The following TBX15 variants were observed in gnomAD, a reference collection of about 807,000 sequenced individuals.
TBX15 encodes T-box transcription factor TBX15.
Under a neutral mutation model 53.9 loss-of-function variants are expected in TBX15, and 18 were observed. The observed-to-expected ratio is 0.33, with a 90% CI of 0.23 to 0.49. The LOEUF (loss-of-function observed/expected upper bound fraction) is 0.49. Among genes scored for constraint, TBX15 ranks in the 20% least tolerant of loss-of-function variants. The pLI is 0.98. For synonymous variants in TBX15, 295 were observed against 278.0 expected, an observed-to-expected ratio of 1.06 and a Z score of -0.61; for missense variants, 692 against 749.5, an observed-to-expected ratio of 0.92 and a Z score of 0.90.
chr1:118,893,689 C>G (rs984849706), intron 7 of TBX15, among the ~76,000 whole-genome samples: 19 of 152,084 alleles, frequency 1.2e-4, no homozygotes, highest in Non-Finnish European at 2.4e-4. Flanking sequence ...TGAGTACTTT[C>G]TTCACTATCC....
At chr1:118,936,252 A>C (rs1377284671) in intron 1 of TBX15, among the ~76,000 whole-genome samples, 1 of 152,206 alleles carries the variant, frequency 6.6e-6, no homozygotes, top group African/African-American at 2.4e-5. Context: ...AAAGCGAACC[A>C]ACTACAATAG....
At chr1:118,926,478 CCCA>C in intron 3 of TBX15, 29 bp downstream of exon 3, 1 of 1,575,808 alleles carries the variant, frequency 6.3e-7, no homozygotes, top group Non-Finnish European at 8.7e-7. Flanking sequence ...GCTGGTGATA[CCCA>C]CATTTCCACA....
At chr1:118,940,259 T>G (rs1656128418) in intron 1 of TBX15, among the ~76,000 whole-genome samples, 1 of 151,926 alleles carries the variant, frequency 6.6e-6, no homozygotes, top group South Asian at 2.1e-4. Context: ...TTCAGGAATA[T>G]TTTAGCTCTC....
chr1:118,884,980 T>C lies in TBX15; in HGVS notation c.1561A>G (p.Asn521Asp), dbSNP rs369415145. The C allele has an allele frequency of 6.2e-7, 1 of 1,613,966 alleles. No individual in the cohort carries two copies. The highest frequency in any genetic ancestry group is 1.3e-5 in the African/African-American group (1 of 74,918). ...LHNPYNLYGY[N>D]FPTSPRLAAS... ...GCTAGCCTAGGGGAAGTGGGGAAAT[T>C]GTATCCATACAGGTTGTAAGGGTTG... The change falls in exon 8 of 8, where the codon AAT (asparagine) becomes GAT (aspartate). Residue 521 changes from asparagine (N) to aspartate (D), a missense_variant. Coordinates refer to ENST00000369429, the MANE Select transcript of TBX15 (RefSeq NM_001330677.2).
chr1:118,954,738 T>C (rs1255139378), intron 1 of TBX15, among the ~76,000 whole-genome samples: 2 of 152,184 alleles, frequency 1.3e-5, no homozygotes, highest in African/African-American at 4.8e-5. Context: ...ACAGGAAATA[T>C]TTCTGGGATT....
At chr1:118,979,424 AC>A (rs1249165509) in intron 1 of TBX15, among the ~76,000 whole-genome samples, 1 of 151,368 alleles carries the variant, frequency 6.6e-6, no homozygotes, top group African/African-American at 2.4e-5. Context: ...CCCTAGATTT[AC>A]CCATTTGGAA....
chr1:118,893,397 G>GAAAGAAAT (rs1654248477), intron 7 of TBX15, among the ~76,000 whole-genome samples: 1 of 135,056 alleles, frequency 7.4e-6, no homozygotes, highest in Non-Finnish European at 1.5e-5. Context: ...AAGAAAGAAA[G>GAAAGAAAT]AAAGAAAGAA....
intron 1 of TBX15, among the ~76,000 whole-genome samples, chr1:118,947,539 G>A (rs1394391337): frequency 6.6e-6 from 1 of 152,194 alleles, no homozygotes; most frequent in South Asian, 2.1e-4. Flanking sequence ...ACACATCTGT[G>A]AGAAGTGGAG....
chr1:118,976,703 G>A (rs1257850671), intron 1 of TBX15, among the ~76,000 whole-genome samples: 1 of 152,078 alleles, frequency 6.6e-6, no homozygotes, highest in South Asian at 2.1e-4. Flanking sequence ...CACTCAGGTT[G>A]GCATTTTGCC....
rs372204736 is a variant in TBX15 at position 118,893,330 on chromosome 1, A to G, written c.1024+5698T>C. Among the ~76,000 whole-genome samples the G allele has an allele frequency of 3.4e-4, 26 of 75,920 alleles. 1 individual carries two copies. The highest frequency in any genetic ancestry group is 1.7e-3 in the African/African-American group (20 of 12,106). The allele number at this position is 75,920 out of a possible 152,430, so 49.8% of individuals were successfully genotyped here. ...GGAAGGAAGGAAAGAAAGAAAGAAG[A>G]AAGAAGGAAGGAAGGAAGGAAGGAA... On this transcript the variant is annotated intron_variant, in intron 7 of 7. Coordinates refer to ENST00000369429, the MANE Select transcript of TBX15 (RefSeq NM_001330677.2).
chr1:118,900,691 T>C (rs1654600109), intron 6 of TBX15, among the ~76,000 whole-genome samples: 2 of 152,166 alleles, frequency 1.3e-5, no homozygotes, highest in Admixed American at 1.3e-4. Context: ...TCTACATTAA[T>C]GTTGAATACA....
At chr1:118,951,099 T>C (rs1387036818) in intron 1 of TBX15, among the ~76,000 whole-genome samples, 1 of 152,228 alleles carries the variant, frequency 6.6e-6, no homozygotes, top group Non-Finnish European at 1.5e-5. Flanking sequence ...GAATAGGATA[T>C]TACAGAAAAC....
At chr1:118,915,153 A>C (rs569069391) in intron 5 of TBX15, among the ~76,000 whole-genome samples, 26 of 152,218 alleles carry the variant, frequency 1.7e-4, no homozygotes, top group Non-Finnish European at 3.2e-4. Flanking sequence ...CACTACATGC[A>C]AGCAATGGAG....
chr1:118,885,160 T>C lies in TBX15; in HGVS notation c.1381A>G (p.Lys461Glu). ...PTPPSLPGNS[K>E]MEAYGGQLGS... ...AGCTGGCCACCGTAGGCTTCCATCTTGCTGTTGCCAGGCAACGAGGGAGGA... is the reference window on the plus strand; with the variant it reads ...AGCTGGCCACCGTAGGCTTCCATCTCGCTGTTGCCAGGCAACGAGGGAGGA... Residue 461 changes from lysine to glutamate, a missense_variant, in exon 8 of 8, where the codon AAG (lysine) becomes GAG (glutamate). Around this residue, in one of 3 missense-constraint regions of TBX15, gnomAD observed 375 missense variants for 371.6 expected, o/e 1.01. Coordinates refer to ENST00000369429, the MANE Select transcript of TBX15 (RefSeq NM_001330677.2). 6.2e-7 allele frequency: 1 copy of C among 1,614,156 alleles called. No homozygotes were observed. Among genetic ancestry groups the C allele is most frequent in the African/African-American group, 1.3e-5 (1 of 75,038 alleles).
At chr1:118,954,514 G>A (rs561970129) in intron 1 of TBX15, among the ~76,000 whole-genome samples, 5 of 152,296 alleles carry the variant, frequency 3.3e-5, no homozygotes, top group Middle Eastern at 3.4e-3. Context: ...GATCACAGAA[G>A]GAGGCAAACT....
chr1:118,983,375 G>C (rs1469287448), intron 1 of TBX15, among the ~76,000 whole-genome samples: 3 of 152,120 alleles, frequency 2.0e-5, no homozygotes, highest in Non-Finnish European at 2.9e-5. Context: ...CACCGCGCCG[G>C]GGCCGGAGTT....
intron 1 of TBX15, among the ~76,000 whole-genome samples, chr1:118,966,207 C>A (rs893149703): frequency 6.6e-6 from 1 of 152,174 alleles, no homozygotes; most frequent in African/African-American, 2.4e-5. Context: ...AAGAATAGAA[C>A]CAATCTTGTG....
At chr1:118,939,430 A>C (rs997328525) in intron 1 of TBX15, among the ~76,000 whole-genome samples, 4 of 99,848 alleles carry the variant, frequency 4.0e-5, no homozygotes, top group Non-Finnish European at 5.9e-5. Flanking sequence ...AAAAAAAAAA[A>C]AAAAAACAAA....
chr1:118,883,191 T>C lies in TBX15; in HGVS notation c.*1541A>G, dbSNP rs886288429. 3.3e-5 allele frequency: 5 copies of C among 152,640 alleles called. No individual in the cohort carries two copies. Among genetic ancestry groups the C allele is most frequent in the African/African-American group, 1.2e-4 (5 of 41,444 alleles). 9.5% of individuals were successfully genotyped at this position (152,640 alleles called of 1,614,324 possible). A position where few individuals can be genotyped will look rare whatever the true frequency, so the allele number is the denominator to read the frequency against. On this transcript the variant is annotated 3_prime_UTR_variant, in exon 8 of 8. Transcript: ENST00000369429. Reference sequence around the variant, plus strand: ...TGCCCCCTTTTTCATATTCATAATATTGGATTCCCCACTAGGCACATAAAT... The same window carrying C: ...TGCCCCCTTTTTCATATTCATAATACTGGATTCCCCACTAGGCACATAAAT...
Sources: gnomAD v4.1 joint callset for allele counts (sites outside exome capture counted in the v4.1 genomes callset) on GRCh38, gnomAD v4.1.1 for gene constraint, gnomAD v4.1.1 regional missense constraint, MANE v1.5 for transcripts, NCBI Gene and HGNC (gene_info 2026-07-23, HGNC 2026-07-21) for gene names.